HGSNAT: variants seen among roughly 807,000 people sequenced by gnomAD.
HGSNAT encodes the protein heparan-alpha-glucosaminide N-acetyltransferase, also known as transmembrane protein 76.
In HGSNAT, 59 loss-of-function variants were observed where a neutral mutation model predicts 85.2. The observed-to-expected ratio is 0.69, with a 90% CI of 0.56 to 0.86. HGSNAT has a LOEUF of 0.86. Among genes scored for constraint, HGSNAT ranks in the 40% least tolerant of loss-of-function variants. The probability of loss-of-function intolerance (pLI) is 0.00; values close to 1 mark genes in which losing one functional copy is unlikely to be tolerated. For missense variants in HGSNAT, 756 were observed against 777.1 expected (o/e 0.97, Z 0.32); for synonymous variants, 321 against 304.5 (o/e 1.05, Z -0.56).
At chr8:43,178,963 G>T (rs1803915782) in intron 10 of HGSNAT, among the ~76,000 whole-genome samples, 2 of 148,042 alleles carry the variant, frequency 1.4e-5, no homozygotes, top group South Asian at 2.2e-4. Flanking sequence ...CAAGGCAGAA[G>T]AATTTTTCTT....
chr8:43,143,541 C>CT lies in HGSNAT; in HGVS notation c.118+2941dup, dbSNP rs906460660. 4.0e-3 allele frequency among the ~76,000 whole-genome samples: 565 copies of CT among 142,994 alleles called. 2 individuals are homozygous for CT. The highest frequency in any genetic ancestry group is 0.013 in the South Asian group (57 of 4,486). The allele number at this position is 142,994 out of a possible 152,430, so 93.8% of individuals were successfully genotyped here. A position where few individuals can be genotyped will look rare whatever the true frequency, so the allele number is the denominator to read the frequency against. ...GACACCAGGAGCTATTTCTTTCTTT[C>CT]TTTTTTTTTTTTTTGAGACAGAGTC... is the stretch of plus-strand genomic sequence containing the variant. On this transcript the variant is annotated intron_variant, in intron 1 of 17. Transcript: ENST00000379644.
At chr8:43,164,605 C>T (rs1803372052) in intron 5 of HGSNAT, among the ~76,000 whole-genome samples, 1 of 151,912 alleles carries the variant, frequency 6.6e-6, no homozygotes, top group Middle Eastern at 3.2e-3. Flanking sequence ...CATGGTGAAA[C>T]CCCCATCTCT....
chr8:43,159,569 T>C (rs1803203249), intron 4 of HGSNAT, among the ~76,000 whole-genome samples: 1 of 152,174 alleles, frequency 6.6e-6, no homozygotes, highest in African/African-American at 2.4e-5. Flanking sequence ...ACCTGGGTGA[T>C]AGAGCCAGAC....
intron 13 of HGSNAT, among the ~76,000 whole-genome samples, 182 bp from the exon 14 acceptor site, chr8:43,193,575 C>T (rs1458329507): frequency 6.6e-6 from 1 of 152,206 alleles, no homozygotes; most frequent in Non-Finnish European, 1.5e-5. Context: ...GTCCACACTG[C>T]ACACTTTCTT....
At chr8:43,140,760 C>G (rs1015321487) in intron 1 of HGSNAT, 146 bp downstream of exon 1, 3 of 268,654 alleles carry the variant, frequency 1.1e-5, no homozygotes, top group African/African-American at 6.9e-5. Context: ...TGCGACTTCG[C>G]GGTCCCGCGC....
chr8:43,163,174 G>A (rs969071317), intron 5 of HGSNAT, among the ~76,000 whole-genome samples: 2 of 151,952 alleles, frequency 1.3e-5, no homozygotes, highest in Non-Finnish European at 2.9e-5. Context: ...CATTCCGGCC[G>A]GGGACTCTCA....
intron 1 of HGSNAT, 37 bp downstream of exon 1, chr8:43,140,651 C>A: frequency 9.4e-7 from 1 of 1,067,342 alleles, no homozygotes; most frequent in Non-Finnish European, 1.2e-6. Flanking sequence ...CGGCCGGCTA[C>A]GAGCGCAGCG....
chr8:43,189,302 G>C (rs1214848205), intron 11 of HGSNAT, among the ~76,000 whole-genome samples: 1 of 152,182 alleles, frequency 6.6e-6, no homozygotes, highest in Non-Finnish European at 1.5e-5. Context: ...CTCCCCACCT[G>C]CTTTGTTTAC....
intron 9 of HGSNAT, 176 bp downstream of exon 9, chr8:43,173,919 A>T: frequency 1.6e-6 from 1 of 617,530 alleles, no homozygotes; most frequent in East Asian, 3.1e-5. Context: ...ACGTGTGTAT[A>T]AAAGAGTGAT....
intron 2 of HGSNAT, among the ~76,000 whole-genome samples, chr8:43,153,688 T>C (rs949911718): frequency 6.6e-6 from 1 of 152,230 alleles, no homozygotes; most frequent in Non-Finnish European, 1.5e-5. Flanking sequence ...CTGTGACTTT[T>C]ACACCTGTTG....
At chr8:43,154,480 T>C (rs1352784482) in intron 2 of HGSNAT, among the ~76,000 whole-genome samples, 5 of 152,070 alleles carry the variant, frequency 3.3e-5, no homozygotes, top group Admixed American at 6.5e-5. Flanking sequence ...TTGCTGAGAA[T>C]GATGGTTTCC....
chr8:43,148,064 G>A (rs1340232801), intron 2 of HGSNAT, among the ~76,000 whole-genome samples: 1 of 152,116 alleles, frequency 6.6e-6, no homozygotes, highest in African/African-American at 2.4e-5. Flanking sequence ...CCAACATGGA[G>A]AAACCCTGTC....
At chr8:43,158,202 G>A (rs1052711838) in intron 2 of HGSNAT, among the ~76,000 whole-genome samples, 5 of 152,164 alleles carry the variant, frequency 3.3e-5, no homozygotes, top group East Asian at 1.9e-4. Flanking sequence ...TGGTTCAAGC[G>A]ATTCTCCTGC....
intron 11 of HGSNAT, among the ~76,000 whole-genome samples, chr8:43,183,317 C>G (rs995791183): frequency 3.3e-5 from 5 of 152,190 alleles, no homozygotes; most frequent in African/African-American, 1.2e-4. Context: ...TAGGCATGCA[C>G]TACCATGCCC....
rs932015091 is a variant in HGSNAT, at chr8:43,148,196, C to T, written c.234+1133C>T. 3.3e-5 allele frequency among the ~76,000 whole-genome samples: 5 copies of T among 151,974 alleles called. No individual in the cohort carries two copies. The East Asian group carries it at 7.8e-4, about 24-fold the overall frequency. ...GGTGGAGGTTGCAGTGAGCCGAGAT[C>T]GCGCCATTGCTCTCCAGCCTGGGCA... On this transcript the variant is annotated intron_variant, in intron 2 of 17. Coordinates refer to ENST00000379644, the MANE Select transcript of HGSNAT (RefSeq NM_152419.3).
rs1804782056 is a variant in HGSNAT, at chr8:43,197,932, G to A, written c.1706G>A (p.Gly569Glu). 1 of 1,613,432 alleles carries A rather than the reference G, an allele frequency of 6.2e-7. No homozygotes were observed. The highest frequency in any genetic ancestry group is 8.5e-7 in the Non-Finnish European group (1 of 1,179,504). ...PVVDVKGLWT[G>E]TPFFYPGMNS... is the part of the protein sequence containing the mutation. Reference sequence around the variant, plus strand: ...GTGGATGTGAAGGGGCTGTGGACAGGAACCCCATTCTTTTATCCAGGTAAG... The same window carrying A: ...GTGGATGTGAAGGGGCTGTGGACAGAAACCCCATTCTTTTATCCAGGTAAG... Residue 569 changes from glycine to glutamate, a missense_variant, in exon 17 of 18, where the codon GGA becomes GAA. Physicochemically the swap from Gly to Glu is moderately conservative, Grantham distance 98. Transcript: ENST00000379644.
At chr8:43,196,454 C>T in intron 14 of HGSNAT, 1 of 1,289,498 alleles carries the variant, frequency 7.8e-7, no homozygotes, top group African/African-American at 1.5e-5. Flanking sequence ...GGTCACCAAA[C>T]AGGCCTGTCT....
chr8:43,146,745 A>G (rs1261348013), intron 1 of HGSNAT, among the ~76,000 whole-genome samples: 2 of 151,576 alleles, frequency 1.3e-5, no homozygotes, highest in African/African-American at 4.9e-5. Context: ...ACATGCATGC[A>G]TGTGTGTGTG....
chr8:43,175,755 T>A (rs915588276), intron 9 of HGSNAT, among the ~76,000 whole-genome samples: 1 of 151,800 alleles, frequency 6.6e-6, no homozygotes, highest in Non-Finnish European at 1.5e-5. Flanking sequence ...TTAGTAGAGA[T>A]GAGGTTTCAC....
Sources: gnomAD v4.1 joint callset for allele counts (sites outside exome capture counted in the v4.1 genomes callset) on GRCh38, gnomAD v4.1.1 for gene constraint, MANE v1.5 for transcripts, NCBI Gene and HGNC (gene_info 2026-07-23, HGNC 2026-07-21) for gene names.